Variants in TAF2 observed in about 807,000 individuals in gnomAD.
The protein encoded by TAF2 is transcription initiation factor TFIID subunit 2.
A neutral mutation model predicts 138.5 loss-of-function variants in TAF2; 61 were observed. The observed-to-expected ratio is 0.44, with a 90% CI of 0.36 to 0.54. TAF2 has a LOEUF of 0.54. TAF2 is among the 20% of genes least tolerant of loss of function. The pLI is 0.00. For missense variants in TAF2, 1,090 were observed against 1,427.9 expected, an observed-to-expected ratio of 0.76 and a Z score of 3.81; for synonymous variants, 475 against 469.9, an observed-to-expected ratio of 1.01 and a Z score of -0.14.
intron 22 of TAF2, among the ~76,000 whole-genome samples, chr8:119,752,352 A>G (rs1166763142): frequency 6.6e-6 from 1 of 152,128 alleles, no homozygotes; most frequent in Non-Finnish European, 1.5e-5. Context: ...AAGATACTAG[A>G]GTACCTCCCA....
At chr8:119,778,395 G>C (rs915861294) in intron 17 of TAF2, among the ~76,000 whole-genome samples, 1 of 152,210 alleles carries the variant, frequency 6.6e-6, no homozygotes, top group Non-Finnish European at 1.5e-5. Context: ...TCATTTGCTG[G>C]AGGAAATATA....
chr8:119,758,492 T>A (rs1222113346), intron 20 of TAF2, among the ~76,000 whole-genome samples: 2 of 152,344 alleles, frequency 1.3e-5, no homozygotes, highest in African/African-American at 4.8e-5. Context: ...ATTGTCTTCC[T>A]AGATGCTTAA....
At chr8:119,740,247 A>C (rs1179576077) in intron 25 of TAF2, among the ~76,000 whole-genome samples, 2 of 152,186 alleles carry the variant, frequency 1.3e-5, no homozygotes, top group Non-Finnish European at 2.9e-5. Context: ...CTCTGAGTGA[A>C]TCTTCTCACA....
Position 119,732,240 on chromosome 8 carries a change from A to T in TAF2, c.3338-54T>A, listed in dbSNP as rs1818925802. ...TCCTGCTGATGATACGGAAAGCCAG[A>T]CTAAAGAAAGAGGAAGCTGATGACA... On this transcript the variant is annotated intron_variant, in intron 25 of 25. Coordinates refer to ENST00000378164, the MANE Select transcript of TAF2 (RefSeq NM_003184.4). The T allele has an allele frequency of 8.3e-6, 13 of 1,561,124 alleles. No individual in the cohort carries two copies. The South Asian group carries it at 1.4e-4, about 17-fold the overall frequency.
At chr8:119,752,927 A>G (rs1820450742) in intron 22 of TAF2, among the ~76,000 whole-genome samples, 1 of 152,224 alleles carries the variant, frequency 6.6e-6, no homozygotes, top group African/African-American at 2.4e-5. Context: ...GTGACCAGAT[A>G]GCCCAGAAGC....
chr8:119,815,134 T>C (rs1278313978), intron 3 of TAF2, among the ~76,000 whole-genome samples: 2 of 149,932 alleles, frequency 1.3e-5, no homozygotes, highest in Admixed American at 6.6e-5. Flanking sequence ...ATACAAAAAT[T>C]AGCCAGGTGT....
intron 3 of TAF2, among the ~76,000 whole-genome samples, chr8:119,816,177 A>C (rs1825459518): frequency 6.6e-6 from 1 of 151,248 alleles, no homozygotes; most frequent in Non-Finnish European, 1.5e-5. Flanking sequence ...CAGCCTCCCA[A>C]GTAGCTGGGA....
chr8:119,817,684 A>T (rs911551330), intron 3 of TAF2, among the ~76,000 whole-genome samples: 2 of 152,196 alleles, frequency 1.3e-5, no homozygotes, highest in African/African-American at 4.8e-5. Flanking sequence ...AATTATTAGT[A>T]AAAAAGATGT....
chr8:119,802,581 G>GT (rs1824339588), intron 5 of TAF2, among the ~76,000 whole-genome samples: 1 of 152,176 alleles, frequency 6.6e-6, no homozygotes, highest in South Asian at 2.1e-4. Flanking sequence ...ACAAAAGTGT[G>GT]TAAGACATTA....
At chr8:119,744,667 C>T (rs1359411346) in intron 23 of TAF2, 4 of 463,622 alleles carry the variant, frequency 8.6e-6, no homozygotes, top group Non-Finnish European at 1.6e-5. Flanking sequence ...TGTGGTGGAA[C>T]GTGCACACAT....
intron 3 of TAF2, among the ~76,000 whole-genome samples, chr8:119,810,008 A>AC (rs1223564609): frequency 6.6e-6 from 1 of 151,644 alleles, no homozygotes. Context: ...TAAAAAAAAA[A>AC]AAAAAAAAAC....
chr8:119,783,560 C>A lies in TAF2; in HGVS notation c.1933G>T (p.Ala645Ser), dbSNP rs907035002. The A allele has an allele frequency of 6.2e-7, 1 of 1,614,150 alleles. No individual in the cohort carries two copies. Among genetic ancestry groups the A allele is most frequent in the Non-Finnish European group, 8.5e-7 (1 of 1,180,018 alleles). ...SVLRKVEFEQ[A>S]DFMWQYQLRY... ...AGCTGATACTGCCACATAAAATCAG[C>A]TTGCTCAAATTCTACCTTCCTCAAT... Residue 645 changes from alanine to serine, a missense_variant, in exon 16 of 26, where the codon GCT (alanine) becomes TCT (serine). Physicochemically the swap from Ala to Ser is moderately conservative, Grantham distance 99 (BLOSUM62 1). Transcript: ENST00000378164.
intron 22 of TAF2, among the ~76,000 whole-genome samples, chr8:119,748,429 G>A (rs1820128811): frequency 6.6e-6 from 1 of 150,830 alleles, no homozygotes; most frequent in Non-Finnish European, 1.5e-5. Context: ...ATAGTGCATT[G>A]TACTAGGCCA....
chr8:119,737,602 A>G (rs1819311499), intron 25 of TAF2, among the ~76,000 whole-genome samples: 1 of 148,494 alleles, frequency 6.7e-6, no homozygotes, highest in Non-Finnish European at 1.5e-5. Context: ...TCTGCTTCCC[A>G]GGTTCAAGCG....
intron 6 of TAF2, among the ~76,000 whole-genome samples, chr8:119,800,425 A>C (rs368405239): frequency 6.6e-6 from 1 of 151,944 alleles, no homozygotes; most frequent in Non-Finnish European, 1.5e-5. Context: ...TCTTGTTTTT[A>C]TCAGGTTTGT....
intron 9 of TAF2, 25 bp downstream of exon 9, chr8:119,795,507 G>A (rs1297842642): frequency 6.4e-7 from 1 of 1,569,288 alleles, no homozygotes; most frequent in African/African-American, 1.4e-5. Context: ...ACTTGTAAGT[G>A]GATAAGGGAT....
Position 119,756,130 on chromosome 8 carries a change from A to C in TAF2, c.2769-15T>G. ...GAATCTTATGCCTGAAAGATTAAAA[A>C]AAATTAAATTTTTGCTGACCTTTTA... On this transcript the variant is annotated splice_polypyrimidine_tract_variant and intron_variant, in intron 21 of 25. Coordinates refer to ENST00000378164, the MANE Select transcript of TAF2 (RefSeq NM_003184.4). 1 of 1,607,126 alleles carries C rather than the reference A, an allele frequency of 6.2e-7. No individual in the cohort carries two copies. Among genetic ancestry groups the C allele is most frequent in the Non-Finnish European group, 8.5e-7 (1 of 1,174,322 alleles).
At chr8:119,811,173 G>C (rs1825027612) in intron 3 of TAF2, among the ~76,000 whole-genome samples, 1 of 152,052 alleles carries the variant, frequency 6.6e-6, no homozygotes, top group Admixed American at 6.6e-5. Flanking sequence ...AAATGCTATA[G>C]AGAGATATTG....
At chr8:119,812,338 T>TA (rs1825130699) in intron 3 of TAF2, among the ~76,000 whole-genome samples, 1 of 150,980 alleles carries the variant, frequency 6.6e-6, no homozygotes, top group African/African-American at 2.4e-5. Context: ...TTTTTTTTTT[T>TA]AATTTCAATA....
Sources: allele counts gnomAD v4.1 joint callset (sites outside exome capture counted in the v4.1 genomes callset), GRCh38; gene constraint gnomAD v4.1.1; transcripts MANE v1.5; gene names NCBI Gene and HGNC (gene_info 2026-07-23, HGNC 2026-07-21).